Variants in SCN3A observed in about 807,000 individuals in gnomAD.
The protein encoded by SCN3A is sodium voltage-gated channel alpha subunit 3.
In SCN3A, 60 loss-of-function variants were observed where a neutral mutation model predicts 187.6. That is an observed-to-expected ratio of 0.32 (90% CI 0.26 to 0.40). The LOEUF is 0.40. Among genes scored for constraint, SCN3A ranks in the 10% least tolerant of loss-of-function variants. The pLI is 1.00. For missense variants in SCN3A, 1,601 were observed against 2,428.2 expected (o/e 0.66, Z 7.16); for synonymous variants, 788 against 829.2 (o/e 0.95, Z 0.85).
chr2:165,148,392 A>G (rs1167419987), intron 11 of SCN3A, among the ~76,000 whole-genome samples: 1 of 152,122 alleles, frequency 6.6e-6, no homozygotes, highest in Non-Finnish European at 1.5e-5. Flanking sequence ...TATTTTAGGA[A>G]GAAATGGAGA....
chr2:165,199,592 A>T (rs911719503), intron 1 of SCN3A, among the ~76,000 whole-genome samples: 6 of 111,298 alleles, frequency 5.4e-5, no homozygotes, highest in South Asian at 2.3e-4. Flanking sequence ...AAAAAGTAAT[A>T]AAAAAAAAAA....
chr2:165,090,163 TC>T lies in SCN3A; in HGVS notation c.5989del (p.Glu1997LysfsTer38). 7 of 1,583,674 alleles carry T rather than the reference TC, an allele frequency of 4.4e-6. No homozygotes were observed. The South Asian group carries it at 6.8e-5, about 15-fold the overall frequency. On this transcript the variant is annotated frameshift_variant, in exon 28 of 28. Coordinates refer to ENST00000283254, the MANE Select transcript of SCN3A (RefSeq NM_006922.4). LOFTEE classifies it high-confidence loss of function. The surrounding 1 kb of genome is among the most constrained non-coding windows in gnomAD (Gnocchi z 4.0). Reference protein sequence around the residue: ...EKESKGKEVRENQK With the variant: ...EKESKGKEVRXNQK Reference sequence around the variant, plus strand: ...CTTTGTTTCTTTTTACTTTTGATTTTCTCTGACCTCTTTTCCTTTGCTTTCT... The same window carrying T: ...CTTTGTTTCTTTTTACTTTTGATTTTTCTGACCTCTTTTCCTTTGCTTTCT...
chr2:165,118,316 T>G (rs1686474547), intron 18 of SCN3A, among the ~76,000 whole-genome samples: 1 of 152,178 alleles, frequency 6.6e-6, no homozygotes. Context: ...GTAGAACCCA[T>G]TTCATGGAGA....
chr2:165,125,596 C>A (rs1419701464), intron 18 of SCN3A, among the ~76,000 whole-genome samples: 1 of 152,080 alleles, frequency 6.6e-6, no homozygotes, highest in Non-Finnish European at 1.5e-5. Context: ...GGATTACAGA[C>A]GTGAGCTACC....
At chr2:165,130,723 A>G (rs1341892833) in intron 16 of SCN3A, among the ~76,000 whole-genome samples, 2 of 152,128 alleles carry the variant, frequency 1.3e-5, no homozygotes, top group Non-Finnish European at 2.9e-5. Context: ...TGTGATAAAA[A>G]TGTACAGGAA....
intron 18 of SCN3A, among the ~76,000 whole-genome samples, chr2:165,125,545 C>T (rs761650132): frequency 3.9e-5 from 6 of 152,108 alleles, no homozygotes; most frequent in Non-Finnish European, 7.4e-5. Context: ...TCTCGATCTC[C>T]TGACCTCGTG....
chr2:165,097,901 A>G (rs1201668513), intron 22 of SCN3A, among the ~76,000 whole-genome samples: 5 of 152,352 alleles, frequency 3.3e-5, no homozygotes, highest in Non-Finnish European at 7.4e-5. Context: ...TAATGAATGA[A>G]TGATAATTTG....
At chr2:165,141,735 G>A (rs1447132814) in intron 12 of SCN3A, among the ~76,000 whole-genome samples, 1 of 152,082 alleles carries the variant, frequency 6.6e-6, no homozygotes, top group Non-Finnish European at 1.5e-5. Context: ...TTCCTAAACT[G>A]CTACACAAAT....
intron 11 of SCN3A, 68 bp downstream of exon 11, chr2:165,154,384 G>T: frequency 6.6e-7 from 1 of 1,526,138 alleles, no homozygotes; most frequent in Non-Finnish European, 9.0e-7. Context: ...ACCCTCTATA[G>T]TATAACACTA....
intron 1 of SCN3A, among the ~76,000 whole-genome samples, chr2:165,201,453 T>C (rs1042479604): frequency 2.0e-5 from 3 of 152,094 alleles, no homozygotes; most frequent in Non-Finnish European, 4.4e-5. Flanking sequence ...CCTTTATGTT[T>C]GTCCTGTTCC....
intron 9 of SCN3A, among the ~76,000 whole-genome samples, chr2:165,160,496 T>C (rs994471879): frequency 8.5e-5 from 13 of 152,168 alleles, no homozygotes; most frequent in African/African-American, 3.1e-4. Context: ...TAGATTATTA[T>C]GGTTTAATAG....
intron 7 of SCN3A, among the ~76,000 whole-genome samples, chr2:165,163,269 C>T (rs1260399880): frequency 6.6e-6 from 1 of 152,056 alleles, no homozygotes; most frequent in African/African-American, 2.4e-5. Context: ...AATATTTTCT[C>T]CTTTGTAAAA....
intron 1 of SCN3A, among the ~76,000 whole-genome samples, chr2:165,201,722 C>G (rs767333962): frequency 5.3e-5 from 8 of 151,978 alleles, no homozygotes; most frequent in Non-Finnish European, 1.2e-4. Context: ...CTTGTTTCCA[C>G]TACAGAAGGA....
chr2:165,100,380 T>C lies in SCN3A; in HGVS notation c.3888A>G (p.Glu1296=). ...TCCGTAATGATTTGATGGCACCGAGTTCTGAGTAGCCAAGAGCATTGGCTA... is the reference window on the plus strand; with the variant it reads ...TCCGTAATGATTTGATGGCACCGAGCTCTGAGTAGCCAAGAGCATTGGCTA... The part of the protein sequence containing the change: ...SLVANALGYS[E]LGAIKSLRTL... Residue 1296 remains glutamate (E), a synonymous_variant, in exon 22 of 28, where the codon GAA becomes GAG. Transcript: ENST00000283254. 6.2e-7 allele frequency: 1 copy of C among 1,613,904 alleles called. No individual in the cohort carries two copies. The highest frequency in any genetic ancestry group is 1.7e-5 in the Admixed American group (1 of 60,006).
intron 2 of SCN3A, among the ~76,000 whole-genome samples, chr2:165,179,289 G>A (rs1427525560): frequency 6.6e-6 from 1 of 152,180 alleles, no homozygotes; most frequent in South Asian, 2.1e-4. Flanking sequence ...ACCTGTCTCA[G>A]CCTCAGTATC....
At chr2:165,199,052 A>G (rs1692156739) in intron 1 of SCN3A, among the ~76,000 whole-genome samples, 1 of 152,062 alleles carries the variant, frequency 6.6e-6, no homozygotes, top group African/African-American at 2.4e-5. Context: ...TTCCAGTTCA[A>G]GCTCTTTCTT....
At chr2:165,112,845 T>A (rs764899623) in intron 21 of SCN3A, 40 bp downstream of exon 21, 15 of 1,584,308 alleles carry the variant, frequency 9.5e-6, no homozygotes, top group Non-Finnish European at 1.1e-5. Context: ...AACTTGCCTC[T>A]TTTAAAAACA....
intron 5 of SCN3A, among the ~76,000 whole-genome samples, chr2:165,165,377 G>A (rs36124681): frequency 0.23 from 34,262 of 151,760 alleles, 5,040 homozygotes; most frequent in East Asian, 0.52. Context: ...CAAAATACAC[G>A]GATACACAAA....
chr2:165,146,622 T>G, intron 12 of SCN3A, 117 bp downstream of exon 12: 1 of 1,005,392 alleles, frequency 9.9e-7, no homozygotes, highest in Non-Finnish European at 1.5e-6. Flanking sequence ...ATATTAAATG[T>G]TAGTTCCCTG....
Sources: allele counts gnomAD v4.1 joint callset (sites outside exome capture counted in the v4.1 genomes callset), GRCh38; gene constraint gnomAD v4.1.1; non-coding constraint Gnocchi (gnomAD v3.1); transcripts MANE v1.5; gene names NCBI Gene and HGNC (gene_info 2026-07-23, HGNC 2026-07-21).